RORA: variants seen among roughly 807,000 people sequenced by gnomAD.
RORA encodes nuclear receptor ROR-alpha.
A neutral mutation model predicts 69.5 loss-of-function variants in RORA; 7 were observed. The observed-to-expected ratio is 0.10, with a 90% CI of 0.06 to 0.19. The LOEUF (loss-of-function observed/expected upper bound fraction) is 0.19, where lower values mean the gene tolerates loss of function less well. Ranked by LOEUF, RORA falls within the 10% of genes least tolerant of loss-of-function variation. RORA has a pLI of 1.00. For synonymous variants in RORA, 261 were observed against 240.8 expected (o/e 1.08, Z -0.78); for missense variants, 457 against 663.0 (o/e 0.69, Z 3.41).
intron 1 of RORA, among the ~76,000 whole-genome samples, chr15:60,882,636 TACACACACACAC>T (rs67057464): frequency 3.0e-4 from 44 of 147,560 alleles, no homozygotes; most frequent in African/African-American, 5.0e-4. Context: ...GGAGCTTAAC[TACACACACACAC>T]ACACACACAC....
intron 1 of RORA, among the ~76,000 whole-genome samples, chr15:60,826,103 T>C (rs910301230): frequency 1.1e-4 from 16 of 152,150 alleles, no homozygotes; most frequent in African/African-American, 3.9e-4. Context: ...ACAGGCCCTA[T>C]GGGAAAGGAA....
At chr15:61,212,925 G>T (rs1006299278) in intron 1 of RORA, among the ~76,000 whole-genome samples, 1 of 152,084 alleles carries the variant, frequency 6.6e-6, no homozygotes, top group African/African-American at 2.4e-5. Context: ...TCAGAGTTAG[G>T]ACTCCAGCTC....
intron 1 of RORA, among the ~76,000 whole-genome samples, chr15:60,959,545 C>A (rs574414749): frequency 1.6e-3 from 243 of 152,242 alleles, no homozygotes; most frequent in African/African-American, 5.6e-3. Context: ...AAATAAACAA[C>A]AACAACAACA....
At chr15:61,137,985 G>A (rs2079261421) in intron 1 of RORA, among the ~76,000 whole-genome samples, 1 of 152,252 alleles carries the variant, frequency 6.6e-6, no homozygotes, top group South Asian at 2.1e-4. Context: ...GACATACAGG[G>A]GGCCATTAAC....
chr15:61,166,679 C>T (rs1231788018), intron 1 of RORA, among the ~76,000 whole-genome samples: 1 of 151,960 alleles, frequency 6.6e-6, no homozygotes, highest in Non-Finnish European at 1.5e-5. Context: ...CCAAAAGTCA[C>T]AGAGGGAGTC....
intron 1 of RORA, among the ~76,000 whole-genome samples, chr15:61,218,615 C>A (rs1369270943): frequency 1.3e-5 from 2 of 150,854 alleles, no homozygotes; most frequent in Non-Finnish European, 2.9e-5. Flanking sequence ...CCACAGATGA[C>A]CACTTTATCA....
At chr15:61,199,744 T>C (rs1274092072) in intron 1 of RORA, among the ~76,000 whole-genome samples, 2 of 152,140 alleles carry the variant, frequency 1.3e-5, no homozygotes, top group Non-Finnish European at 2.9e-5. Context: ...GGAAATGTAA[T>C]CACATATGAC....
intron 1 of RORA, among the ~76,000 whole-genome samples, chr15:61,136,778 G>A (rs1244185001): frequency 6.6e-6 from 1 of 152,112 alleles, no homozygotes; most frequent in African/African-American, 2.4e-5. Context: ...CAAAGCATTT[G>A]AAACTTTGTT....
chr15:60,956,796 C>T (rs1342438900), intron 1 of RORA, among the ~76,000 whole-genome samples: 1 of 152,180 alleles, frequency 6.6e-6, no homozygotes, highest in Non-Finnish European at 1.5e-5. Flanking sequence ...CCCCCTCATC[C>T]TTTCAATTAT....
At chr15:60,543,950 GTTTC>G (rs2066988281) in intron 2 of RORA, among the ~76,000 whole-genome samples, 2 of 152,200 alleles carry the variant, frequency 1.3e-5, no homozygotes. Flanking sequence ...AGAAACCAGT[GTTTC>G]TTTCTAGGGA....
In RORA at chr15:61,209,268, CAA is replaced by C. The variant is rs10710980; in HGVS notation, c.166+19783_166+19784del. 1.8e-3 allele frequency among the ~76,000 whole-genome samples: 260 copies of C among 145,106 alleles called. 1 individual carries two copies. Among genetic ancestry groups the C allele is most frequent in the Middle Eastern group, 3.6e-3 (1 of 278 alleles). ...TATGAAGGAACTTGTTGTTGAATTACAAAAAAAAAAAAAAATTCACACACTCT... is the reference window on the plus strand; with the variant it reads ...TATGAAGGAACTTGTTGTTGAATTACAAAAAAAAAAAAATTCACACACTCT... On this transcript the variant is annotated intron_variant, in intron 1 of 10. Transcript: ENST00000335670.
chr15:60,735,822 T>C (rs1213142901), intron 1 of RORA, among the ~76,000 whole-genome samples: 1 of 152,136 alleles, frequency 6.6e-6, no homozygotes, highest in Non-Finnish European at 1.5e-5. Context: ...AATCCCTCAC[T>C]TCCATTTGGG....
intron 3 of RORA, among the ~76,000 whole-genome samples, chr15:60,526,941 A>G (rs1442111278): frequency 6.6e-6 from 1 of 152,242 alleles, no homozygotes; most frequent in Admixed American, 6.5e-5. Flanking sequence ...TACTCTAGAT[A>G]TTTTTGAAAA....
At chr15:60,981,108 T>TC (rs1011004355) in intron 1 of RORA, among the ~76,000 whole-genome samples, 33 of 151,784 alleles carry the variant, frequency 2.2e-4, no homozygotes, top group African/African-American at 7.7e-4. Flanking sequence ...TATTTTTTTT[T>TC]TTTCAGCACT....
rs577750062 is a variant in RORA, at chr15:60,851,006, G to A, written c.167-172320C>T. 3.3e-5 allele frequency among the ~76,000 whole-genome samples: 5 copies of A among 152,266 alleles called. No homozygotes were observed. In the South Asian group the frequency reaches 1.0e-3, roughly 32 times the overall value. ...AAAGCACCGGAGCACATTTCATTCA[G>A]TCTGTTGCTGAGTGAGTGGGTGTGA... is the stretch of plus-strand genomic sequence containing the variant. On this transcript the variant is annotated intron_variant, in intron 1 of 10. Coordinates refer to ENST00000335670, the MANE Select transcript of RORA (RefSeq NM_134261.3).
chr15:61,111,938 A>C (rs146279057), intron 1 of RORA, among the ~76,000 whole-genome samples: 1 of 152,212 alleles, frequency 6.6e-6, no homozygotes, highest in African/African-American at 2.4e-5. Context: ...CATTCATTCA[A>C]TTCAACTAAT....
chr15:61,167,031 A>G (rs2079544398), intron 1 of RORA, among the ~76,000 whole-genome samples: 1 of 152,200 alleles, frequency 6.6e-6, no homozygotes, highest in African/African-American at 2.4e-5. Context: ...CAGATGTCTC[A>G]AACTGCAGTG....
chr15:60,516,197 T>TTTA (rs1567052455), intron 3 of RORA, among the ~76,000 whole-genome samples: 40 of 13,204 alleles, frequency 3.0e-3, no homozygotes, highest in Admixed American at 4.2e-3. Context: ...ATATATATAT[T>TTTA]TATATATATA....
rs548097450 is a variant in RORA at position 60,898,241 on chromosome 15, A to G, written c.167-219555T>C. Among the ~76,000 whole-genome samples, 14 of 152,306 alleles carry G rather than the reference A, an allele frequency of 9.2e-5. No homozygotes were observed. The East Asian group carries it at 2.1e-3, about 23-fold the overall frequency. On this transcript the variant is annotated intron_variant, in intron 1 of 10. Transcript: ENST00000335670. Reference sequence around the variant, plus strand: ...TTCAAACTGAGTTCTGATGACTCCAAAGAATGTGTGGGGCAGGGTCAGGAT... The same window carrying G: ...TTCAAACTGAGTTCTGATGACTCCAGAGAATGTGTGGGGCAGGGTCAGGAT...
Sources: allele counts gnomAD v4.1 joint callset (sites outside exome capture counted in the v4.1 genomes callset), GRCh38; gene constraint gnomAD v4.1.1; transcripts MANE v1.5; gene names NCBI Gene and HGNC (gene_info 2026-07-23, HGNC 2026-07-21).